VAV2: variants seen among roughly 807,000 people sequenced by gnomAD.
VAV2 encodes vav guanine nucleotide exchange factor 2.
Under a neutral mutation model 132.5 loss-of-function variants are expected in VAV2, and 67 were observed. The observed-to-expected ratio is 0.51, with a 90% CI of 0.42 to 0.62. VAV2 has a LOEUF of 0.62. Among genes scored for constraint, VAV2 ranks in the 20% least tolerant of loss-of-function variants. VAV2 has a pLI of 0.00. For missense variants in VAV2, 938 were observed against 1,153.6 expected (o/e 0.81, Z 2.71); for synonymous variants, 492 against 443.5 (o/e 1.11, Z -1.37).
intron 4 of VAV2, among the ~76,000 whole-genome samples, chr9:133,821,529 A>G (rs1332350334): frequency 1.3e-5 from 2 of 152,204 alleles, no homozygotes; most frequent in Non-Finnish European, 2.9e-5. Flanking sequence ...TAGGTGCTCA[A>G]TAAGTGGGAG....
At chr9:133,779,324 T>C (rs1216295003) in intron 21 of VAV2, among the ~76,000 whole-genome samples, 1 of 152,190 alleles carries the variant, frequency 6.6e-6, no homozygotes, top group African/African-American at 2.4e-5. Flanking sequence ...CCAGGGAATG[T>C]GGAGGCTGCT....
At chr9:133,798,403 C>T (rs1405521047) in intron 9 of VAV2, among the ~76,000 whole-genome samples, 1 of 152,188 alleles carries the variant, frequency 6.6e-6, no homozygotes, top group Non-Finnish European at 1.5e-5. Context: ...GCCCAGGAAG[C>T]CAGCCCTCGT....
intron 2 of VAV2, among the ~76,000 whole-genome samples, chr9:133,922,205 G>A (rs1840321361): frequency 6.6e-6 from 1 of 152,228 alleles, no homozygotes; most frequent in Non-Finnish European, 1.5e-5. Flanking sequence ...GCTGGGCTAG[G>A]AGAAGGAACC....
chr9:133,950,412 A>G (rs1480792169), intron 1 of VAV2, among the ~76,000 whole-genome samples: 3 of 152,154 alleles, frequency 2.0e-5, no homozygotes, highest in African/African-American at 7.2e-5. Flanking sequence ...GTGCGTGTTC[A>G]GAGCCAGCAG....
At chr9:133,784,042 G>C (rs1382575358) in intron 18 of VAV2, among the ~76,000 whole-genome samples, 1 of 152,184 alleles carries the variant, frequency 6.6e-6, no homozygotes, top group African/African-American at 2.4e-5. Context: ...CAACACGCCT[G>C]GCTGACTTTG....
At chr9:133,848,279 CAAAA>C (rs34908811) in intron 3 of VAV2, among the ~76,000 whole-genome samples, 49 of 48,606 alleles carry the variant, frequency 1.0e-3, no homozygotes, top group South Asian at 3.4e-3. Flanking sequence ...GACTCCGTCT[CAAAA>C]AAAAAAAAAA....
In VAV2 at chr9:133,912,355, T is replaced by C. The variant is rs1839914623; in HGVS notation, c.321+26748A>G. Among the ~76,000 whole-genome samples, 1 of 152,218 alleles carries C rather than the reference T, an allele frequency of 6.6e-6. No individual in the cohort carries two copies. Among genetic ancestry groups the C allele is most frequent in the Non-Finnish European group, 1.5e-5 (1 of 68,052 alleles). ...GAGACCCGGGCTGAACACGAGGCTA[T>C]GTCCGTCCAAATCCCCACAGTCCTG... On this transcript the variant is annotated intron_variant, in intron 2 of 29. Transcript: ENST00000371850. The surrounding 1 kb of genome is among the most constrained non-coding windows in gnomAD (Gnocchi z 4.3).
chr9:133,904,580 T>C (rs1258817573), intron 2 of VAV2, among the ~76,000 whole-genome samples: 1 of 152,224 alleles, frequency 6.6e-6, no homozygotes, highest in African/African-American at 2.4e-5. Context: ...ACCAGGCACG[T>C]GGGCACAGGC....
chr9:133,810,071 T>C lies in VAV2; in HGVS notation c.567+120A>G, dbSNP rs558895942. On this transcript the variant is annotated intron_variant, in intron 6 of 29. Coordinates refer to ENST00000371850, the MANE Select transcript of VAV2 (RefSeq NM_001134398.2). ...TCTGATGCCTGAAGTCATGTGTGCC[T>C]GACCATGTCTTCCTGGGGGCAGGGT... is the stretch of plus-strand genomic sequence containing the variant. 112 of 1,423,566 alleles carry C rather than the reference T, an allele frequency of 7.9e-5. 1 individual carries two copies. The Admixed American group carries it at 9.1e-4, about 12-fold the overall frequency. 88.2% of individuals were successfully genotyped at this position (1,423,566 alleles called of 1,614,324 possible).
chr9:133,765,130 T>C (rs1429851512), intron 29 of VAV2, among the ~76,000 whole-genome samples: 1 of 152,128 alleles, frequency 6.6e-6, no homozygotes, highest in African/African-American at 2.4e-5. Flanking sequence ...CTAATATCTA[T>C]AGATAGTCAA....
At chr9:133,810,313 A>C in intron 5 of VAV2, 108 bp from the exon 6 acceptor site, 3 of 1,556,610 alleles carry the variant, frequency 1.9e-6, no homozygotes, top group Non-Finnish European at 2.6e-6. Flanking sequence ...ACCAGCCAAC[A>C]GACCCAAAGC....
At chr9:133,981,783 G>T (rs896107875) in intron 1 of VAV2, among the ~76,000 whole-genome samples, 1 of 152,176 alleles carries the variant, frequency 6.6e-6, no homozygotes, top group Non-Finnish European at 1.5e-5. Context: ...CATTTCCAAG[G>T]ATCTCTTTCT....
rs773574824 is a variant in VAV2, at chr9:133,775,989, C to A, written c.2018+39G>T. The stretch of plus-strand genomic sequence containing the variant: ...CGGGCATGCCCCCATAACAAAGAGG[C>A]CACCAGATGCCCATGTCTGCAGCCC... On this transcript the variant is annotated intron_variant, in intron 24 of 29. Coordinates refer to ENST00000371850, the MANE Select transcript of VAV2 (RefSeq NM_001134398.2). The A allele has an allele frequency of 2.5e-6, 4 of 1,575,188 alleles. No homozygotes were observed. The South Asian group carries it at 4.6e-5, about 18-fold the overall frequency.
At chr9:133,898,765 G>A (rs1404849750) in intron 2 of VAV2, among the ~76,000 whole-genome samples, 1 of 150,756 alleles carries the variant, frequency 6.6e-6, no homozygotes, top group Non-Finnish European at 1.5e-5. Flanking sequence ...AGGTTCCCCT[G>A]GTCAGAGCCA....
chr9:133,764,647 TTAGACAAAGC>T (rs1833376037), intron 29 of VAV2, among the ~76,000 whole-genome samples: 1 of 152,054 alleles, frequency 6.6e-6, no homozygotes, highest in African/African-American at 2.4e-5. Context: ...ATAGAGGGAT[TTAGACAAAGC>T]AGAAGAGAAG....
intron 1 of VAV2, among the ~76,000 whole-genome samples, chr9:133,960,987 G>A (rs1018570207): frequency 9.8e-5 from 15 of 152,302 alleles, no homozygotes; most frequent in Non-Finnish European, 1.9e-4. Flanking sequence ...GGAGAGGAAT[G>A]GTGACCACAG....
intron 1 of VAV2, among the ~76,000 whole-genome samples, chr9:133,966,726 A>G (rs531925256): frequency 1.3e-5 from 2 of 148,956 alleles, no homozygotes; most frequent in Admixed American, 6.7e-5. Context: ...TTAAAACTTT[A>G]AAAAAAAAAA....
intron 4 of VAV2, among the ~76,000 whole-genome samples, chr9:133,816,038 G>C (rs571096595): frequency 6.6e-6 from 1 of 152,338 alleles, no homozygotes; most frequent in African/African-American, 2.4e-5. Flanking sequence ...CCCCCAGAGT[G>C]CGTGTGGAGT....
intron 4 of VAV2, among the ~76,000 whole-genome samples, chr9:133,832,186 C>T (rs2486348): frequency 6.6e-6 from 1 of 152,116 alleles, no homozygotes; most frequent in Non-Finnish European, 1.5e-5. Context: ...CCCTAATCAC[C>T]GTGCACCCCT....
Sources: allele counts gnomAD v4.1 joint callset (sites outside exome capture counted in the v4.1 genomes callset), GRCh38; gene constraint gnomAD v4.1.1; non-coding constraint Gnocchi (gnomAD v3.1); transcripts MANE v1.5; gene names NCBI Gene and HGNC (gene_info 2026-07-23, HGNC 2026-07-21).